Variants in PIK3C2G observed in about 807,000 individuals in gnomAD.
The protein encoded by PIK3C2G is phosphatidylinositol-4-phosphate 3-kinase catalytic subunit type 2 gamma.
A neutral mutation model predicts 181.1 loss-of-function variants in PIK3C2G; 168 were observed. The ratio of observed to expected loss-of-function variants is 0.93; its 90% CI spans 0.82 to 1.05. The LOEUF (loss-of-function observed/expected upper bound fraction) is 1.05. Among genes scored for constraint, PIK3C2G ranks in the 50% least tolerant of loss-of-function variants. The pLI is 0.00. For synonymous variants in PIK3C2G, 573 were observed against 592.2 expected (o/e 0.97, Z 0.47); for missense variants, 1,869 against 1,732.8 (o/e 1.08, Z -1.40).
chr12:18,684,161 T>G, the PIK3C2G span: 2 of 1,612,038 alleles, frequency 1.2e-6, no homozygotes, highest in Non-Finnish European at 1.7e-6. Flanking sequence ...GCAAAGTATA[T>G]TGCCCAAGAA....
intron 15 of PIK3C2G, among the ~76,000 whole-genome samples, chr12:18,394,995 T>C (rs1390869336): frequency 1.3e-5 from 2 of 148,710 alleles, no homozygotes; most frequent in African/African-American, 2.5e-5. Context: ...TTCTTTCTTT[T>C]CTTTCTCTTT....
intron 11 of PIK3C2G, among the ~76,000 whole-genome samples, chr12:18,351,290 C>T (rs1940192243): frequency 6.6e-6 from 1 of 151,684 alleles, no homozygotes; most frequent in Non-Finnish European, 1.5e-5. Flanking sequence ...AAAATATAGC[C>T]TCACATTATA....
intron 11 of PIK3C2G, 36 bp from the exon 12 acceptor site, chr12:18,362,727 GT>G: frequency 1.4e-6 from 2 of 1,463,684 alleles, no homozygotes; most frequent in Non-Finnish European, 1.8e-6. Flanking sequence ...TTTCTTTAAA[GT>G]GCTAAGCATA....
rs375191216 is a variant in PIK3C2G at position 18,282,767 on chromosome 12, T to C, written c.678+8T>C. 1.3e-6 allele frequency: 2 copies of C among 1,509,576 alleles called. No homozygotes were observed. The highest frequency in any genetic ancestry group is 2.8e-5 in the African/African-American group (2 of 71,586). 93.5% of individuals were successfully genotyped at this position (1,509,576 alleles called of 1,614,324 possible). A position where few individuals can be genotyped will look rare whatever the true frequency, so the allele number is the denominator to read the frequency against. ...TGGCAGAAGAATATAGAGGTAAGTA[T>C]AATACATGTCAATGTAAAAATATGA... On this transcript the variant is annotated splice_region_variant and intron_variant, in intron 2 of 32. Coordinates refer to ENST00000538779, the MANE Select transcript of PIK3C2G (RefSeq NM_001288772.2).
At chr12:18,695,061 G>A in the PIK3C2G span, 5 of 1,612,880 alleles carry the variant, frequency 3.1e-6, no homozygotes, top group East Asian at 4.5e-5. Flanking sequence ...CAGACCAGGG[G>A]TCTGGAAATT....
At chr12:18,701,512 T>G in the PIK3C2G span, 10 of 1,614,122 alleles carry the variant, frequency 6.2e-6, no homozygotes, top group Admixed American at 1.7e-4. Context: ...TTCTTTTTCT[T>G]GAAAAGCATT....
At chr12:18,610,284 G>A (rs148969009) in intron 31 of PIK3C2G, among the ~76,000 whole-genome samples, 4 of 152,164 alleles carry the variant, frequency 2.6e-5, no homozygotes, top group Non-Finnish European at 4.4e-5. Context: ...GGTTCTCCAC[G>A]TGGTATAACT....
At chr12:18,471,267 T>C (rs560070004) in intron 18 of PIK3C2G, among the ~76,000 whole-genome samples, 2 of 152,250 alleles carry the variant, frequency 1.3e-5, no homozygotes, top group South Asian at 2.1e-4. Flanking sequence ...AGTCTTCTCA[T>C]GTACAAAATG....
intron 25 of PIK3C2G, among the ~76,000 whole-genome samples, chr12:18,539,292 A>G (rs1944025655): frequency 6.6e-6 from 1 of 151,934 alleles, no homozygotes; most frequent in Non-Finnish European, 1.5e-5. Flanking sequence ...TAAATGACCT[A>G]GTAGTGAATT....
At chr12:18,308,887 GT>G (rs1487208366) in intron 5 of PIK3C2G, among the ~76,000 whole-genome samples, 1 of 151,636 alleles carries the variant, frequency 6.6e-6, no homozygotes, top group Non-Finnish European at 1.5e-5. Flanking sequence ...ATGTAGCACT[GT>G]TATGTGTTTA....
chr12:18,390,673 A>C (rs1943477443), intron 14 of PIK3C2G, among the ~76,000 whole-genome samples: 1 of 152,154 alleles, frequency 6.6e-6, no homozygotes, highest in African/African-American at 2.4e-5. Flanking sequence ...AATTTCATGA[A>C]CTAGAGATCA....
chr12:18,441,468 C>T (rs1946742255), intron 18 of PIK3C2G, among the ~76,000 whole-genome samples: 1 of 151,946 alleles, frequency 6.6e-6, no homozygotes, highest in Admixed American at 6.6e-5. Flanking sequence ...GAGAGGGCAA[C>T]ATTGATGAGA....
At chr12:18,459,830 C>T (rs1453296600) in intron 18 of PIK3C2G, among the ~76,000 whole-genome samples, 2 of 152,170 alleles carry the variant, frequency 1.3e-5, no homozygotes, top group East Asian at 1.9e-4. Flanking sequence ...GGCCCAATCT[C>T]GGCTCACTGC....
the PIK3C2G span, among the ~76,000 whole-genome samples, chr12:18,715,192 G>GGA: frequency 5.0e-3 from 45 of 8,940 alleles, 7 homozygotes; most frequent in African/African-American, 0.013. Flanking sequence ...GCGGAGGGAG[G>GGA]GAGAGAGAGA....
At chr12:18,356,919 G>A (rs1940793510) in intron 11 of PIK3C2G, among the ~76,000 whole-genome samples, 1 of 152,030 alleles carries the variant, frequency 6.6e-6, no homozygotes, top group Non-Finnish European at 1.5e-5. Context: ...CGGGAAAACA[G>A]GAAGACACGT....
intron 29 of PIK3C2G, among the ~76,000 whole-genome samples, chr12:18,586,116 A>G (rs1946763362): frequency 6.6e-6 from 1 of 152,116 alleles, no homozygotes; most frequent in South Asian, 2.1e-4. Context: ...CAAATTAACA[A>G]CCTAACATCA....
At chr12:18,423,794 A>G (rs1401744113) in intron 17 of PIK3C2G, 151 bp from the exon 18 acceptor site, 4 of 609,202 alleles carry the variant, frequency 6.6e-6, no homozygotes, top group South Asian at 1.9e-5. Context: ...TTAGTCATAT[A>G]CCGACTCATA....
At chr12:18,597,882 T>A (rs906767622) in intron 30 of PIK3C2G, among the ~76,000 whole-genome samples, 6 of 152,042 alleles carry the variant, frequency 3.9e-5, no homozygotes, top group African/African-American at 1.5e-4. Flanking sequence ...AAATCATGAG[T>A]GAACTCCCAT....
intron 16 of PIK3C2G, among the ~76,000 whole-genome samples, chr12:18,410,146 T>A (rs894924500): frequency 6.6e-6 from 1 of 152,062 alleles, no homozygotes; most frequent in African/African-American, 2.4e-5. Flanking sequence ...TGTAAGTAGG[T>A]CATAATAGAA....
Sources: gnomAD v4.1 joint callset for allele counts (sites outside exome capture counted in the v4.1 genomes callset) on GRCh38, gnomAD v4.1.1 for gene constraint, MANE v1.5 for transcripts, NCBI Gene and HGNC (gene_info 2026-07-23, HGNC 2026-07-21) for gene names.